TBRG1: variants seen among roughly 807,000 people sequenced by gnomAD.
The protein encoded by TBRG1 is nuclear interactor of ARF and MDM2.
Under a neutral mutation model 44.0 loss-of-function variants are expected in TBRG1, and 31 were observed. That is an observed-to-expected ratio of 0.70 (90% confidence interval 0.53 to 0.95). TBRG1 has a LOEUF of 0.95. Ranked by LOEUF, TBRG1 falls within the 40% of genes least tolerant of loss-of-function variation. The probability of loss-of-function intolerance (pLI) is 0.00; values close to 1 mark genes in which losing one functional copy is unlikely to be tolerated. For synonymous variants in TBRG1, 171 were observed against 188.1 expected (o/e 0.91, Z 0.74); for missense variants, 487 against 496.1 (o/e 0.98, Z 0.18).
chr11:124,629,613 T>C (rs1057013774), intron 5 of TBRG1, among the ~76,000 whole-genome samples: 3 of 152,202 alleles, frequency 2.0e-5, no homozygotes, highest in African/African-American at 7.2e-5. Flanking sequence ...TCAGTAAAAA[T>C]TGCTTTGACT....
Position 124,632,633 on chromosome 11 carries a change from CA to C in TBRG1, c.*397del. 1 of 165,570 alleles carries C rather than the reference CA, an allele frequency of 6.0e-6. No homozygotes were observed. Among genetic ancestry groups the C allele is most frequent in the South Asian group, 1.5e-4 (1 of 6,650 alleles). 10.3% of individuals were successfully genotyped at this position (165,570 alleles called of 1,614,324 possible). On this transcript the variant is annotated 3_prime_UTR_variant, in exon 9 of 9. Transcript: ENST00000441174. ...TTCTGGATGCTGGGAAGTCCAAGTT[CA>C]AGGAGCGCAGATTCAATGTCTGGTG...
In TBRG1 at chr11:124,634,774, CA is replaced by C. The variant is rs1194654200; in HGVS notation, c.*2541del. ...AATTATTTTGGTAAAGTAAGTAAGT[CA>C]AAAACACAGATTACAAAATAATATG... On this transcript the variant is annotated 3_prime_UTR_variant, in exon 9 of 9. Coordinates refer to ENST00000441174, the MANE Select transcript of TBRG1 (RefSeq NM_032811.3). 2 of 152,084 alleles carry C rather than the reference CA, an allele frequency of 1.3e-5. No homozygotes were observed. Among genetic ancestry groups the C allele is most frequent in the South Asian group, 2.1e-4 (1 of 4,816 alleles). 9.4% of individuals were successfully genotyped at this position (152,084 alleles called of 1,614,324 possible).
rs912600829 is a variant in TBRG1 at position 124,634,683 on chromosome 11, T to C, written c.*2445T>C. ...TATATGTCCATTAATAGGAAATTGG[T>C]TAAATAAAATGAGGCTTCCACAAAC... is the stretch of plus-strand genomic sequence containing the variant. On this transcript the variant is annotated 3_prime_UTR_variant, in exon 9 of 9. Coordinates refer to ENST00000441174, the MANE Select transcript of TBRG1 (RefSeq NM_032811.3). 3 of 152,182 alleles carry C rather than the reference T, an allele frequency of 2.0e-5. No homozygotes were observed. Among genetic ancestry groups the C allele is most frequent in the Non-Finnish European group, 4.4e-5 (3 of 68,032 alleles). The allele number at this position is 152,182 out of a possible 1,614,324, so 9.4% of individuals were successfully genotyped here. A position where few individuals can be genotyped will look rare whatever the true frequency, so the allele number is the denominator to read the frequency against.
rs530632741 is a variant in TBRG1, at chr11:124,628,684, G to A, written c.738+1634G>A. Among the ~76,000 whole-genome samples the A allele has an allele frequency of 6.6e-5, 10 of 152,218 alleles. No individual in the cohort carries two copies. In the East Asian group the frequency reaches 1.2e-3, roughly 18 times the overall value. On this transcript the variant is annotated intron_variant, in intron 5 of 8. Coordinates refer to ENST00000441174, the MANE Select transcript of TBRG1 (RefSeq NM_032811.3). ...GGATTAATAATATCCAGTGCTGGCC[G>A]GGGTGGAGGAAAACAAGTACACGTT...
rs1049671866 is a variant in TBRG1 at position 124,622,920 on chromosome 11, G to T, written c.-164G>T. 4 of 716,320 alleles carry T rather than the reference G, an allele frequency of 5.6e-6. No homozygotes were observed. The African/African-American group carries it at 7.2e-5, about 13-fold the overall frequency. The allele number at this position is 716,320 out of a possible 1,614,324, so 44.4% of individuals were successfully genotyped here. ...GCGCCGGGAGCCCGTTCGGTTGCGG[G>T]TGTCTCTGGCCCTGCGGTCAGCCCT... is the stretch of plus-strand genomic sequence containing the variant. On this transcript the variant is annotated 5_prime_UTR_variant, in exon 1 of 9. Transcript: ENST00000441174.
chr11:124,628,063 TTTTATATATATATATATATATA>T (rs1942510789), intron 5 of TBRG1, among the ~76,000 whole-genome samples: 1 of 89,072 alleles, frequency 1.1e-5, no homozygotes, highest in African/African-American at 4.4e-5. Flanking sequence ...CAAGTAGCTG[TTTTATATATATATATATATATA>T]TATATATATA....
In TBRG1 at chr11:124,630,833, C is replaced by T; in HGVS notation, c.925C>T (p.Pro309Ser). ...CATCCACAACCTGATCCAGAGCTGT[C>T]CAGGAGCTCGAAAATGCATCAAGTA... ...PAIHNLIQSCPGARKCINYQW... is the reference protein window; with the variant it reads ...PAIHNLIQSCSGARKCINYQW... The change falls in exon 7 of 9, where the codon CCA becomes TCA. Residue 309 changes from proline to serine, a missense_variant. Physicochemically the swap from Pro to Ser is moderately conservative, Grantham distance 74. Coordinates refer to ENST00000441174, the MANE Select transcript of TBRG1 (RefSeq NM_032811.3). 1.3e-6 allele frequency: 2 copies of T among 1,599,950 alleles called. No individual in the cohort carries two copies. The highest frequency in any genetic ancestry group is 2.3e-5 in the South Asian group (2 of 88,202).
rs148337932 is a variant in TBRG1 at position 124,632,306 on chromosome 11, A to G, written c.*68A>G. The stretch of plus-strand genomic sequence containing the variant: ...TTTAACTTAAACTAAAATTTTGGGT[A>G]TATGAAAGAAGGCAGCAATTCAGAA... On this transcript the variant is annotated 3_prime_UTR_variant, in exon 9 of 9. Coordinates refer to ENST00000441174, the MANE Select transcript of TBRG1 (RefSeq NM_032811.3). 8 of 1,456,034 alleles carry G rather than the reference A, an allele frequency of 5.5e-6. No homozygotes were observed. The East Asian group carries it at 6.9e-5, about 13-fold the overall frequency. 90.2% of individuals were successfully genotyped at this position (1,456,034 alleles called of 1,614,324 possible). A position where few individuals can be genotyped will look rare whatever the true frequency, so the allele number is the denominator to read the frequency against.
rs1169733623 is a variant in TBRG1 at position 124,634,069 on chromosome 11, G to A, written c.*1831G>A. ...GGATTTAAGAAACTTGAAAAGCTGGGCACGGTGGCTCACGCCTGTAATCCC... is the reference window on the plus strand; with the variant it reads ...GGATTTAAGAAACTTGAAAAGCTGGACACGGTGGCTCACGCCTGTAATCCC... On this transcript the variant is annotated 3_prime_UTR_variant, in exon 9 of 9. Transcript: ENST00000441174. 1 of 152,262 alleles carries A rather than the reference G, an allele frequency of 6.6e-6. No homozygotes were observed. The highest frequency in any genetic ancestry group is 2.4e-5 in the African/African-American group (1 of 41,458). The allele number at this position is 152,262 out of a possible 1,614,324, so 9.4% of individuals were successfully genotyped here.
In TBRG1 at chr11:124,633,242, C is replaced by T. The variant is rs550020329; in HGVS notation, c.*1004C>T. ...GGTTAGTCCCATACTCTATAACAGA[C>T]TTAGTCCTGTCTTTTCATTAGCCAT... On this transcript the variant is annotated 3_prime_UTR_variant, in exon 9 of 9. Transcript: ENST00000441174. 9 of 152,340 alleles carry T rather than the reference C, an allele frequency of 5.9e-5. No individual in the cohort carries two copies. The South Asian group carries it at 1.9e-3, about 32-fold the overall frequency. The allele number at this position is 152,340 out of a possible 1,614,324, so 9.4% of individuals were successfully genotyped here. A position where few individuals can be genotyped will look rare whatever the true frequency, so the allele number is the denominator to read the frequency against.
intron 8 of TBRG1, 143 bp from the exon 9 acceptor site, chr11:124,631,950 T>C: frequency 1.5e-6 from 1 of 667,838 alleles, no homozygotes; most frequent in Non-Finnish European, 2.7e-6. Context: ...TAAAAGTATC[T>C]GTCCTATCTT....
chr11:124,635,610 T>G lies in TBRG1; in HGVS notation c.*3372T>G, dbSNP rs1334336123. On this transcript the variant is annotated 3_prime_UTR_variant, in exon 9 of 9. Coordinates refer to ENST00000441174, the MANE Select transcript of TBRG1 (RefSeq NM_032811.3). ...ATTTACATATGATTTCATTAATATA[T>G]TCACTATCTAAACCATATTTTTTAC... 1.3e-5 allele frequency: 2 copies of G among 152,244 alleles called. No homozygotes were observed. Among genetic ancestry groups the G allele is most frequent in the African/African-American group, 4.8e-5 (2 of 41,470 alleles). The allele number at this position is 152,244 out of a possible 1,614,324, so 9.4% of individuals were successfully genotyped here.
chr11:124,632,400 C>T lies in TBRG1; in HGVS notation c.*162C>T, dbSNP rs1942636159. ...TGATGGTTTTCCCTGGGAAAACCTT[C>T]AGCTGCTTTATTTTTAGTAATAAAT... is the stretch of plus-strand genomic sequence containing the variant. On this transcript the variant is annotated 3_prime_UTR_variant, in exon 9 of 9. Coordinates refer to ENST00000441174, the MANE Select transcript of TBRG1 (RefSeq NM_032811.3). 3 of 526,262 alleles carry T rather than the reference C, an allele frequency of 5.7e-6. No homozygotes were observed. Among genetic ancestry groups the T allele is most frequent in the Non-Finnish European group, 1.0e-5 (3 of 301,242 alleles). The allele number at this position is 526,262 out of a possible 1,614,324, so 32.6% of individuals were successfully genotyped here.
chr11:124,626,011 C>T (rs1942460236), intron 3 of TBRG1, 108 bp downstream of exon 3: 1 of 1,411,888 alleles, frequency 7.1e-7, no homozygotes. Context: ...CTTAGAGTCT[C>T]ATCTGGTTCT....
At chr11:124,631,484 C>A in intron 8 of TBRG1, 67 bp downstream of exon 8, 2 of 1,470,568 alleles carry the variant, frequency 1.4e-6, no homozygotes, top group Non-Finnish European at 1.9e-6. Flanking sequence ...CATCTTCACA[C>A]ATAGCCGAGT....
rs752235111 is a variant in TBRG1 at position 124,624,918 on chromosome 11, T to C, written c.151-13T>C. ...TTCATTTTATGTTATTATATTCACA[T>C]TTTTACTTAAAGGAAAATGCTGCTA... On this transcript the variant is annotated splice_polypyrimidine_tract_variant and intron_variant, in intron 1 of 8. Transcript: ENST00000441174. 6 of 1,505,846 alleles carry C rather than the reference T, an allele frequency of 4.0e-6. No individual in the cohort carries two copies. The highest frequency in any genetic ancestry group is 5.4e-6 in the Non-Finnish European group (6 of 1,107,938). 93.3% of individuals were successfully genotyped at this position (1,505,846 alleles called of 1,614,324 possible).
Position 124,623,173 on chromosome 11 carries a change from G to A in TBRG1, c.90G>A (p.Gln30=). Residue 30 remains glutamine, a synonymous_variant, in exon 1 of 9, where the codon CAG becomes CAA. Transcript: ENST00000441174. ...ARMKKLPKKS[Q]NEKYRLKYLR... is the part of the protein sequence containing the mutation. The stretch of plus-strand genomic sequence containing the variant: ...TGAAAAAGCTCCCGAAGAAGAGCCA[G>A]AATGAGAAGTACCGGCTGAAGTACC... 1 of 1,551,694 alleles carries A rather than the reference G, an allele frequency of 6.4e-7. No individual in the cohort carries two copies. Among genetic ancestry groups the A allele is most frequent in the Non-Finnish European group, 8.7e-7 (1 of 1,146,992 alleles).
intron 1 of TBRG1, 138 bp from the exon 2 acceptor site, chr11:124,624,793 A>G (rs1045681343): frequency 7.8e-6 from 5 of 642,746 alleles, no homozygotes; most frequent in Non-Finnish European, 1.4e-5. Flanking sequence ...ATTTATTTAT[A>G]GTTTGTCACA....
chr11:124,623,283 A>G, intron 1 of TBRG1, 50 bp downstream of exon 1: 16 of 1,547,354 alleles, frequency 1.0e-5, no homozygotes, highest in Non-Finnish European at 1.4e-5. Context: ...CTCCCTCACA[A>G]AATCTTTCCC....
Sources: allele counts gnomAD v4.1 joint callset (sites outside exome capture counted in the v4.1 genomes callset), GRCh38; gene constraint gnomAD v4.1.1; transcripts MANE v1.5; gene names NCBI Gene and HGNC (gene_info 2026-07-23, HGNC 2026-07-21).